AGMO: variants seen among roughly 807,000 people sequenced by gnomAD.
AGMO encodes the protein alkylglycerol monooxygenase, also known as glyceryl-ether monooxygenase.
Under a neutral mutation model 60.2 loss-of-function variants are expected in AGMO, and 75 were observed. The ratio of observed to expected loss-of-function variants is 1.25; its 90% CI spans 1.03 to 1.51. AGMO has a LOEUF of 1.51. Among genes scored for constraint, AGMO ranks in the 40% most tolerant of loss-of-function variants. AGMO has a pLI of 0.00. For synonymous variants in AGMO, 261 were observed against 177.1 expected (o/e 1.47, Z -3.76); for missense variants, 763 against 525.5 (o/e 1.45, Z -4.42).
the AGMO span, among the ~76,000 whole-genome samples, chr7:15,168,744 C>CA: frequency 6.6e-6 from 1 of 152,196 alleles, no homozygotes; most frequent in Non-Finnish European, 1.5e-5. Flanking sequence ...ATGGGGCCCA[C>CA]ACTCAATGCA....
intron 12 of AGMO, among the ~76,000 whole-genome samples, chr7:15,241,459 CAAAAAAAAAAAA>C (rs61727790): frequency 3.5e-4 from 18 of 51,362 alleles, no homozygotes; most frequent in South Asian, 8.5e-4. Flanking sequence ...GACTCCGTCT[CAAAAAAAAAAAA>C]AAAAAAAAAA....
At chr7:15,338,511 G>C (rs1269615115) in intron 12 of AGMO, among the ~76,000 whole-genome samples, 2 of 152,100 alleles carry the variant, frequency 1.3e-5, no homozygotes, top group Non-Finnish European at 2.9e-5. Context: ...GTACCTTCAT[G>C]AGTCTTCCAT....
At chr7:15,443,089 T>A (rs999516509) in intron 3 of AGMO, among the ~76,000 whole-genome samples, 1 of 152,208 alleles carries the variant, frequency 6.6e-6, no homozygotes, top group South Asian at 2.1e-4. Context: ...CAATAAAACC[T>A]TGCACTCATT....
At chr7:15,195,015 G>A in the AGMO span, among the ~76,000 whole-genome samples, 1 of 152,272 alleles carries the variant, frequency 6.6e-6, no homozygotes, top group Admixed American at 6.5e-5. Flanking sequence ...AATAGGATAA[G>A]GGGAGGAGAG....
intron 12 of AGMO, among the ~76,000 whole-genome samples, chr7:15,290,062 A>C: frequency 2.3e-5 from 3 of 127,760 alleles, no homozygotes; most frequent in South Asian, 2.4e-4. Flanking sequence ...ACAGAGTTTC[A>C]CCCCGTTGCC....
intron 12 of AGMO, among the ~76,000 whole-genome samples, chr7:15,343,402 T>A (rs1332296633): frequency 2.6e-5 from 4 of 152,122 alleles, no homozygotes; most frequent in Non-Finnish European, 5.9e-5. Flanking sequence ...TGCCTCTAAG[T>A]GATACGAAAT....
the AGMO span, among the ~76,000 whole-genome samples, chr7:15,150,173 T>C: frequency 1.3e-5 from 2 of 152,090 alleles, no homozygotes; most frequent in African/African-American, 4.8e-5. Context: ...GAAGCTTTAC[T>C]GAAGTTGTTT....
At chr7:15,432,382 A>ATATATATATATATAT (rs1781279588) in intron 3 of AGMO, among the ~76,000 whole-genome samples, 1 of 147,872 alleles carries the variant, frequency 6.8e-6, no homozygotes, top group Non-Finnish European at 1.5e-5. Context: ...ATATATATAC[A>ATATATATATATATAT]CTATCTGGGT....
the AGMO span, among the ~76,000 whole-genome samples, chr7:15,164,454 C>A: frequency 2.0e-5 from 3 of 152,032 alleles, no homozygotes; most frequent in Non-Finnish European, 4.4e-5. Flanking sequence ...AGTATATAGA[C>A]AATCCACAGA....
At chr7:15,417,790 G>C (rs1284415357) in intron 5 of AGMO, among the ~76,000 whole-genome samples, 2 of 152,154 alleles carry the variant, frequency 1.3e-5, no homozygotes, top group African/African-American at 4.8e-5. Flanking sequence ...GATTTGTAGT[G>C]TTGTTTAACC....
intron 3 of AGMO, among the ~76,000 whole-genome samples, chr7:15,498,851 G>T (rs541527566): frequency 6.6e-6 from 1 of 152,034 alleles, no homozygotes; most frequent in Non-Finnish European, 1.5e-5. Flanking sequence ...TTTCTCAGCA[G>T]TGCTTCTAGA....
At chr7:15,226,349 T>TGTC (rs1279866953) in intron 12 of AGMO, among the ~76,000 whole-genome samples, 4 of 152,136 alleles carry the variant, frequency 2.6e-5, no homozygotes, top group African/African-American at 7.2e-5. Context: ...TGTTTAGCCA[T>TGTC]GTCAGACATG....
At chr7:15,150,031 T>A in the AGMO span, among the ~76,000 whole-genome samples, 2 of 152,050 alleles carry the variant, frequency 1.3e-5, no homozygotes, top group African/African-American at 4.8e-5. Flanking sequence ...GTTAGCTGCA[T>A]TTTTAGGTAT....
chr7:15,378,959 C>T (rs1226303244), intron 10 of AGMO, among the ~76,000 whole-genome samples: 1 of 152,012 alleles, frequency 6.6e-6, no homozygotes, highest in Non-Finnish European at 1.5e-5. Flanking sequence ...AAGAAATTCA[C>T]TCAAAACCAT....
At chr7:15,202,323 G>T (rs970502485) in intron 12 of AGMO, among the ~76,000 whole-genome samples, 1 of 151,852 alleles carries the variant, frequency 6.6e-6, no homozygotes, top group Non-Finnish European at 1.5e-5. Context: ...ATTCTGGTGT[G>T]GGGAACTCCG....
intron 12 of AGMO, among the ~76,000 whole-genome samples, chr7:15,243,724 A>G (rs868639292): frequency 6.6e-6 from 1 of 152,306 alleles, no homozygotes; most frequent in African/African-American, 2.4e-5. Context: ...GAAATATACC[A>G]ATTCCAAAAA....
At chr7:15,300,522 A>C (rs1784535244) in intron 12 of AGMO, among the ~76,000 whole-genome samples, 1 of 152,172 alleles carries the variant, frequency 6.6e-6, no homozygotes, top group African/African-American at 2.4e-5. Context: ...AAATCAAGAA[A>C]ATGCTTGCTA....
intron 4 of AGMO, among the ~76,000 whole-genome samples, chr7:15,423,101 T>C (rs202194623): frequency 2.6e-5 from 2 of 75,674 alleles, no homozygotes; most frequent in Admixed American, 1.3e-4. Context: ...GTCTACTTTA[T>C]TTTAATAGTT....
intron 12 of AGMO, among the ~76,000 whole-genome samples, chr7:15,261,071 G>A (rs1022687006): frequency 6.6e-6 from 1 of 152,110 alleles, no homozygotes; most frequent in East Asian, 1.9e-4. Context: ...GTCTGAATGA[G>A]CATAAATAGA....
Sources: gnomAD v4.1 joint callset for allele counts (sites outside exome capture counted in the v4.1 genomes callset) on GRCh38, gnomAD v4.1.1 for gene constraint, MANE v1.5 for transcripts, NCBI Gene and HGNC (gene_info 2026-07-23, HGNC 2026-07-21) for gene names.